The following ACLY variants were observed in gnomAD, a reference collection of about 807,000 sequenced individuals.
ACLY encodes the protein ATP citrate lyase.
In ACLY, 41 loss-of-function variants were observed where a neutral mutation model predicts 133.0. The observed-to-expected ratio is 0.31, with a 90% CI of 0.24 to 0.40. ACLY has a LOEUF of 0.40. ACLY is among the 10% of genes least tolerant of loss of function. The pLI, the probability that ACLY is intolerant of heterozygous loss-of-function variation, is 1.00. For missense variants in ACLY, 1,046 were observed against 1,453.8 expected (o/e 0.72, Z 4.56); for synonymous variants, 495 against 549.3 (o/e 0.90, Z 1.38).
At chr17:41,881,898 T>A (rs1334795640) in intron 20 of ACLY, among the ~76,000 whole-genome samples, 1 of 152,156 alleles carries the variant, frequency 6.6e-6, no homozygotes, top group African/African-American at 2.4e-5. Flanking sequence ...ACACACACAC[T>A]TTACACAAAA....
intron 24 of ACLY, 82 bp downstream of exon 24, chr17:41,871,947 CCTT>C: frequency 1.9e-6 from 3 of 1,593,188 alleles, no homozygotes; most frequent in Non-Finnish European, 1.7e-6. Flanking sequence ...CTCAGGGGCT[CCTT>C]CTAGGGCCCT....
chr17:41,914,049 G>A (rs956080342), intron 1 of ACLY, 153 bp from the exon 2 acceptor site: 9 of 711,982 alleles, frequency 1.3e-5, no homozygotes, highest in Middle Eastern at 7.9e-4. Context: ...CCCAGCGGGA[G>A]GGATGGAAGA....
chr17:41,882,971 G>T, intron 20 of ACLY, 151 bp downstream of exon 20: 1 of 620,350 alleles, frequency 1.6e-6, no homozygotes, highest in Non-Finnish European at 2.7e-6. Context: ...AGAGAGCAGG[G>T]CCCTGGCTGG....
chr17:41,890,059 G>T (rs539863141), intron 16 of ACLY, among the ~76,000 whole-genome samples: 1 of 152,136 alleles, frequency 6.6e-6, no homozygotes, highest in African/African-American at 2.4e-5. Flanking sequence ...ATGTTAATCC[G>T]AGATTGCCCA....
At chr17:41,919,478 C>T (rs1257535977), upstream of ACLY, among the ~76,000 whole-genome samples, 3 of 152,216 alleles carry the variant, frequency 2.0e-5, no homozygotes, top group African/African-American at 4.8e-5. Context: ...TCCTTTAGCA[C>T]GTGGAGCCTC....
At chr17:41,913,964 C>G in intron 1 of ACLY, 68 bp from the exon 2 acceptor site, 1 of 1,468,680 alleles carries the variant, frequency 6.8e-7, no homozygotes, top group Non-Finnish European at 9.3e-7. Flanking sequence ...CCCAGCAGGG[C>G]AGACCCACTC....
chr17:41,884,198 CAA>C lies in ACLY; in HGVS notation c.2147_2148del (p.Leu716ArgfsTer7). ...TTTTTTTTAAAGTAACTCACCTCTCCAAGAACCACAATCATTTTGACTCCTGG... is the reference window on the plus strand; with the variant it reads ...TTTTTTTTAAAGTAACTCACCTCTCCGAACCACAATCATTTTGACTCCTGG... ...DTPGVKMIVVLGEIGGTEEYK... is the reference protein window; with the variant it reads ...DTPGVKMIVVXGEIGGTEEYK... On this transcript the variant is annotated frameshift_variant, in exon 19 of 29. Coordinates refer to ENST00000352035, the MANE Select transcript of ACLY (RefSeq NM_001096.3). LOFTEE classifies it high-confidence loss of function. 1 of 1,599,446 alleles carries C rather than the reference CAA, an allele frequency of 6.3e-7. No homozygotes were observed.
chr17:41,894,984 G>C (rs1251129876), intron 14 of ACLY, among the ~76,000 whole-genome samples: 2 of 152,146 alleles, frequency 1.3e-5, no homozygotes, highest in African/African-American at 4.8e-5. Context: ...ATGACAGAAG[G>C]TTCCTGATGT....
In ACLY at chr17:41,896,665, A is replaced by G; in HGVS notation, c.1430-16T>C. Reference sequence around the variant, plus strand: ...GGGACTGAATCTGTCAAAGAAAATGACCAAGGCAACTGAGTGACCCACTGA... The same window carrying G: ...GGGACTGAATCTGTCAAAGAAAATGGCCAAGGCAACTGAGTGACCCACTGA... On this transcript the variant is annotated splice_polypyrimidine_tract_variant and intron_variant, in intron 13 of 28. Coordinates refer to ENST00000352035, the MANE Select transcript of ACLY (RefSeq NM_001096.3). The G allele has an allele frequency of 6.4e-7, 1 of 1,569,504 alleles. No homozygotes were observed. Among genetic ancestry groups the G allele is most frequent in the Non-Finnish European group, 8.7e-7 (1 of 1,155,612 alleles).
intron 18 of ACLY, 39 bp from the exon 19 acceptor site, chr17:41,884,313 G>A (rs782531547): frequency 1.5e-6 from 2 of 1,351,970 alleles, no homozygotes; most frequent in South Asian, 1.2e-5. Flanking sequence ...AGGATCAGGA[G>A]GAGGCCTGGG....
chr17:41,923,079 C>T (rs1183048626), upstream of ACLY, among the ~76,000 whole-genome samples: 1 of 152,246 alleles, frequency 6.6e-6, no homozygotes, highest in East Asian at 1.9e-4. Context: ...CGCCTGTAAT[C>T]CCAACACTTT....
At chr17:41,904,991 G>A (rs1300589293) in intron 9 of ACLY, among the ~76,000 whole-genome samples, 3 of 152,000 alleles carry the variant, frequency 2.0e-5, no homozygotes, top group African/African-American at 7.3e-5. Flanking sequence ...CACCAGACAG[G>A]GGTCAGAACA....
intron 16 of ACLY, among the ~76,000 whole-genome samples, chr17:41,890,332 T>A (rs2049169389): frequency 6.6e-6 from 1 of 151,486 alleles, no homozygotes; most frequent in African/African-American, 2.4e-5. Flanking sequence ...ATTTTTATAA[T>A]GAAATGTTGG....
chr17:41,883,569 CGCTTTTTTTTT>C (rs2048973799), intron 19 of ACLY, among the ~76,000 whole-genome samples: 3 of 141,996 alleles, frequency 2.1e-5, no homozygotes, highest in African/African-American at 5.2e-5. Flanking sequence ...TTTTAAAAAG[CGCTTTTTTTTT>C]GCTTTTTTTT....
Position 41,873,878 on chromosome 17 carries a change from T to C in ACLY, c.2575A>G (p.Ile859Val), listed in dbSNP as rs782224299. 1 of 1,609,124 alleles carries C rather than the reference T, an allele frequency of 6.2e-7. No homozygotes were observed. Among genetic ancestry groups the C allele is most frequent in the South Asian group, 1.1e-5 (1 of 90,720 alleles). The stretch of plus-strand genomic sequence containing the variant: ...ATCTCTTCCTTGAAGACCTCAGTGA[T>C]GGGCATGCCCGCGTAGATGAGCTCC... The part of the protein sequence containing the change: ...GQELIYAGMP[I>V]TEVFKEEMGI... The change falls in exon 23 of 29, where the codon ATC (isoleucine) becomes GTC (valine). Residue 859 changes from isoleucine (I) to valine (V), a missense_variant. By Grantham distance (29) the Ile-to-Val change is conservative. Around this residue, in one of 4 missense-constraint regions of ACLY, gnomAD observed 205 missense variants for 373.3 expected, o/e 0.55. Transcript: ENST00000352035.
intron 10 of ACLY, among the ~76,000 whole-genome samples, chr17:41,904,071 C>G (rs552795756): frequency 1.4e-3 from 211 of 150,222 alleles, no homozygotes; most frequent in Non-Finnish European, 2.1e-3. Flanking sequence ...GAGCTGAGAT[C>G]GTGCCATTGC....
rs1555629528 is a variant in ACLY at position 41,892,408 on chromosome 17, C to T, written c.1641G>A (p.Glu547=). The change falls in exon 16 of 29, where the codon GAG becomes GAA. Residue 547 remains glutamate, a synonymous_variant. Coordinates refer to ENST00000352035, the MANE Select transcript of ACLY (RefSeq NM_001096.3). The part of the protein sequence containing the change: ...HKQKFYWGHK[E]ILIPVFKNMA... ...TGTTCTTGAAGACAGGGATCAGGAT[C>T]TCTTTGTGCCCCCAGTAAAACTTCT... is the stretch of plus-strand genomic sequence containing the variant. The T allele has an allele frequency of 6.2e-7, 1 of 1,613,916 alleles. No homozygotes were observed. The highest frequency in any genetic ancestry group is 1.7e-5 in the Admixed American group (1 of 59,976).
chr17:41,906,572 C>T lies in ACLY; in HGVS notation c.822G>A (p.Arg274=), dbSNP rs782034084. ...LKLTLLNPKG[R]IWTMVAGGGA... Reference sequence around the variant, plus strand: ...CACCCCCGGCCACCATGGTCCAGATCCTCCCTTTGGGGTTCAGCAAGGTCA... The same window carrying T: ...CACCCCCGGCCACCATGGTCCAGATTCTCCCTTTGGGGTTCAGCAAGGTCA... The change falls in exon 8 of 29, where the codon AGG becomes AGA. Residue 274 remains arginine (R), a synonymous_variant. Coordinates refer to ENST00000352035, the MANE Select transcript of ACLY (RefSeq NM_001096.3). The T allele has an allele frequency of 6.2e-6, 10 of 1,614,100 alleles. No individual in the cohort carries two copies. In the South Asian group the frequency reaches 7.7e-5, roughly 12 times the overall value.
At chr17:41,907,012 G>A (rs782798291) in intron 7 of ACLY, among the ~76,000 whole-genome samples, 1 of 152,080 alleles carries the variant, frequency 6.6e-6, no homozygotes, top group African/African-American at 2.4e-5. Context: ...CTCCCCAGAC[G>A]AGACCGTCTC....
Sources: allele counts gnomAD v4.1 joint callset (sites outside exome capture counted in the v4.1 genomes callset), GRCh38; gene constraint gnomAD v4.1.1; regional missense constraint gnomAD v4.1.1; transcripts MANE v1.5; gene names NCBI Gene and HGNC (gene_info 2026-07-23, HGNC 2026-07-21).